Variants in LHX8 observed in about 807,000 individuals in gnomAD.
The protein encoded by LHX8 is LIM homeobox 8, also known as LIM/homeobox protein Lhx8.
Under a neutral mutation model 40.3 loss-of-function variants are expected in LHX8, and 12 were observed. The ratio of observed to expected loss-of-function variants is 0.30; its 90% CI spans 0.19 to 0.48. LHX8 has a LOEUF of 0.48. Among genes scored for constraint, LHX8 ranks in the 20% least tolerant of loss-of-function variants. The pLI is 0.99. For missense variants in LHX8, 344 were observed against 433.7 expected (o/e 0.79, Z 1.84); for synonymous variants, 179 against 162.0 (o/e 1.10, Z -0.80).
the LHX8 span, among the ~76,000 whole-genome samples, chr1:75,188,701 A>G: frequency 2.2e-4 from 33 of 152,186 alleles, no homozygotes; most frequent in Non-Finnish European, 2.9e-5. Context: ...AAATTAACCT[A>G]CGTTGAAATG....
At chr1:75,197,987 G>A in the LHX8 span, among the ~76,000 whole-genome samples, 1 of 152,066 alleles carries the variant, frequency 6.6e-6, no homozygotes, top group African/African-American at 2.4e-5. Flanking sequence ...AAAGATTAAG[G>A]GACTCTAGAA....
At chr1:75,158,875 G>T (rs1448010807) in intron 8 of LHX8, among the ~76,000 whole-genome samples, 1 of 152,040 alleles carries the variant, frequency 6.6e-6, no homozygotes, top group Non-Finnish European at 1.5e-5. Context: ...TACCCCAAAA[G>T]GGAAAACAAT....
At chr1:75,195,445 CTTTATTCTACCTTATGGG>C in the LHX8 span, among the ~76,000 whole-genome samples, 1 of 152,106 alleles carries the variant, frequency 6.6e-6, no homozygotes, top group Non-Finnish European at 1.5e-5. Flanking sequence ...ATGAGGATAT[CTTTATTCTACCTTATGGG>C]TTACTGACTT....
chr1:75,144,454 A>G (rs1396011406), intron 6 of LHX8, among the ~76,000 whole-genome samples: 1 of 152,170 alleles, frequency 6.6e-6, no homozygotes, highest in Non-Finnish European at 1.5e-5. Flanking sequence ...ATAGGAAACT[A>G]CTGGTTGACT....
chr1:75,189,203 A>G, the LHX8 span, among the ~76,000 whole-genome samples: 1 of 152,240 alleles, frequency 6.6e-6, no homozygotes, highest in African/African-American at 2.4e-5. Flanking sequence ...GACAAACAGC[A>G]TTATCAAAAC....
chr1:75,164,651 C>T (rs1047763007), downstream of LHX8, among the ~76,000 whole-genome samples: 1 of 150,458 alleles, frequency 6.6e-6, no homozygotes, highest in African/African-American at 2.4e-5. Context: ...ATCTTATACT[C>T]AAAAATACAA....
intron 1 of LHX8, among the ~76,000 whole-genome samples, chr1:75,135,212 T>C (rs1457812762): frequency 6.6e-6 from 1 of 152,176 alleles, no homozygotes; most frequent in Non-Finnish European, 1.5e-5. Context: ...AGTCACGCGG[T>C]TTGTCTGAGT....
At chr1:75,182,430 A>G in the LHX8 span, among the ~76,000 whole-genome samples, 4 of 140,070 alleles carry the variant, frequency 2.9e-5, no homozygotes, top group South Asian at 6.5e-4. Flanking sequence ...CTGGAGTGCA[A>G]TGGTGCGATC....
chr1:75,189,390 A>G, the LHX8 span, among the ~76,000 whole-genome samples: 3 of 152,194 alleles, frequency 2.0e-5, no homozygotes, highest in East Asian at 5.8e-4. Flanking sequence ...CAAACTATTA[A>G]TTTATAAAAA....
chr1:75,141,841 A>G (rs1012376179), intron 4 of LHX8, among the ~76,000 whole-genome samples: 4 of 152,178 alleles, frequency 2.6e-5, no homozygotes, highest in Admixed American at 2.0e-4. Context: ...TAAATGAAAA[A>G]TGTTCATTGT....
upstream of LHX8, chr1:75,130,897 C>T (rs980928637): frequency 2.7e-6 from 2 of 734,640 alleles, no homozygotes; most frequent in Admixed American, 2.0e-5. Context: ...TGAGATTTCA[C>T]CTTCAGGGAT....
the LHX8 span, among the ~76,000 whole-genome samples, chr1:75,178,058 G>A: frequency 1.0e-3 from 153 of 152,286 alleles, 3 homozygotes; most frequent in East Asian, 0.021. Context: ...TTTTTGATGT[G>A]CTGCTGGATT....
downstream of LHX8, among the ~76,000 whole-genome samples, chr1:75,162,145 T>C (rs186497939): frequency 1.7e-3 from 265 of 152,264 alleles, no homozygotes; most frequent in African/African-American, 6.0e-3. Context: ...GTAATTTTAT[T>C]CTAGTAATCA....
chr1:75,162,252 A>ATT (rs34196923), downstream of LHX8, among the ~76,000 whole-genome samples: 103 of 147,370 alleles, frequency 7.0e-4, no homozygotes, highest in East Asian at 0.011. Context: ...AAGGGGAGGG[A>ATT]TTTTTTTTTT....
rs1211794752 is a variant in LHX8 at position 75,128,921 on chromosome 1, AC to A, written c.-490+316del. Among the ~76,000 whole-genome samples the A allele has an allele frequency of 2.6e-5, 4 of 152,024 alleles. No individual in the cohort carries two copies. The East Asian group carries it at 7.8e-4, about 29-fold the overall frequency. The stretch of plus-strand genomic sequence containing the variant: ...CCAGGGAGGTGCGTCTAACCTCATG[AC>A]CCTCTGAACCCCTAGAAGTGGTCAA... On this transcript the variant is annotated intron_variant, in intron 1 of 9. Coordinates refer to the LHX8 transcript ENST00000294638.
the LHX8 span, among the ~76,000 whole-genome samples, chr1:75,190,011 A>C: frequency 6.6e-6 from 1 of 152,326 alleles, no homozygotes; most frequent in East Asian, 1.9e-4. Flanking sequence ...CCCTGCCTCC[A>C]GTTGCTCACA....
At chr1:75,142,659 A>G (rs940806829) in intron 4 of LHX8, among the ~76,000 whole-genome samples, 5 of 152,184 alleles carry the variant, frequency 3.3e-5, no homozygotes, top group African/African-American at 7.2e-5. Context: ...CTATATTTAA[A>G]TCATTTTCTA....
downstream of LHX8, among the ~76,000 whole-genome samples, chr1:75,162,756 A>G (rs1648947486): frequency 6.6e-6 from 1 of 152,184 alleles, no homozygotes; most frequent in South Asian, 2.1e-4. Context: ...ATGATATGTG[A>G]TAGAAGCTTC....
At position 75,134,833 on chromosome 1, in the gene LHX8, T is replaced by TTTA; in HGVS notation, c.-134_-133insTTA. ...TTCAGACCTGGCAATTTTTTTTTTTTATTACGTAGTAGCGTTAGTCAGTAA... is the reference window on the plus strand; with the variant it reads ...TTCAGACCTGGCAATTTTTTTTTTTTTTAATTACGTAGTAGCGTTAGTCAGTAA... On this transcript the variant is annotated 5_prime_UTR_variant, in exon 1 of 9. Transcript: ENST00000356261. 1 of 819,582 alleles carries TTTA rather than the reference T, an allele frequency of 1.2e-6. No homozygotes were observed. The allele number at this position is 819,582 out of a possible 1,614,324, so 50.8% of individuals were successfully genotyped here.
Sources: gnomAD v4.1 joint callset for allele counts (sites outside exome capture counted in the v4.1 genomes callset) on GRCh38, gnomAD v4.1.1 for gene constraint, MANE v1.5 for transcripts, NCBI Gene and HGNC (gene_info 2026-07-23, HGNC 2026-07-21) for gene names.